The following WRNIP1 variants were observed in gnomAD, a reference collection of about 807,000 sequenced individuals.
The protein encoded by WRNIP1 is ATPase WRNIP1.
A neutral mutation model predicts 56.1 loss-of-function variants in WRNIP1; 41 were observed. The ratio of observed to expected loss-of-function variants is 0.73; its 90% CI spans 0.57 to 0.95. The LOEUF is 0.95. Ranked by LOEUF, WRNIP1 falls within the 40% of genes least tolerant of loss-of-function variation. WRNIP1 has a pLI of 0.00. For synonymous variants in WRNIP1, 547 were observed against 398.1 expected (o/e 1.37, Z -4.45); for missense variants, 1,170 against 939.4 (o/e 1.25, Z -3.21).
chr6:2,782,830 A>G (rs773383226), intron 4 of WRNIP1, among the ~76,000 whole-genome samples: 18 of 152,198 alleles, frequency 1.2e-4, no homozygotes, highest in Non-Finnish European at 2.2e-4. Context: ...GAAGCTGGTT[A>G]GTCCACGTGT....
chr6:2,785,481 G>GA lies in WRNIP1; in HGVS notation c.*199_*200insA. The GA allele has an allele frequency of 1.7e-6, 1 of 603,858 alleles. No individual in the cohort carries two copies. Among genetic ancestry groups the GA allele is most frequent in the Non-Finnish European group, 2.9e-6 (1 of 347,278 alleles). The allele number at this position is 603,858 out of a possible 1,614,324, so 37.4% of individuals were successfully genotyped here. On this transcript the variant is annotated 3_prime_UTR_variant, in exon 7 of 7. Coordinates refer to ENST00000380773, the MANE Select transcript of WRNIP1 (RefSeq NM_020135.3). ...TTTGAAATTGTGTTCATTTGCACTC[G>GA]GTGCAGCGGTTATGCTTATGAAAAT...
intron 3 of WRNIP1, among the ~76,000 whole-genome samples, chr6:2,776,029 AT>A (rs899326346): frequency 5.3e-5 from 8 of 152,310 alleles, no homozygotes; most frequent in African/African-American, 1.9e-4. Context: ...ATATGCTTAA[AT>A]TTAAAAATAA....
intron 3 of WRNIP1, 115 bp downstream of exon 3, chr6:2,770,476 T>C (rs1765233566): frequency 7.1e-7 from 1 of 1,398,830 alleles, no homozygotes; most frequent in African/African-American, 1.4e-5. Flanking sequence ...AGAAGAAATG[T>C]TGATCCGCCC....
chr6:2,765,679 G>C lies in WRNIP1; in HGVS notation c.57G>C (p.Gln19His), dbSNP rs1764913970. The C allele has an allele frequency of 1.3e-6, 2 of 1,551,166 alleles. No individual in the cohort carries two copies. The highest frequency in any genetic ancestry group is 2.6e-5 in the East Asian group (1 of 38,702). ...DPFLSQLHQV[Q>H]CPVCQQMMPA... is the part of the protein sequence containing the mutation. ...TCCTTTCGCAGCTGCACCAGGTGCA[G>C]TGCCCCGTGTGCCAGCAGATGATGC... is the stretch of plus-strand genomic sequence containing the variant. Residue 19 changes from glutamine (Q) to histidine (H), a missense_variant, in exon 1 of 7, where the codon CAG becomes CAC. Gln to His is a conservative substitution (Grantham distance 24). Transcript: ENST00000380773.
chr6:2,767,201 A>G (rs1450622056), intron 1 of WRNIP1, among the ~76,000 whole-genome samples: 2 of 152,230 alleles, frequency 1.3e-5, no homozygotes, highest in African/African-American at 2.4e-5. Flanking sequence ...GAGTCTAGAA[A>G]GCATGTCATT....
chr6:2,767,798 C>T (rs183030853), intron 1 of WRNIP1, among the ~76,000 whole-genome samples: 25 of 152,254 alleles, frequency 1.6e-4, no homozygotes, highest in Admixed American at 7.8e-4. Flanking sequence ...TTTGGGTGGT[C>T]CAGGCTGCTC....
At chr6:2,783,013 C>T (rs1441889638) in intron 4 of WRNIP1, among the ~76,000 whole-genome samples, 2 of 152,208 alleles carry the variant, frequency 1.3e-5, no homozygotes, top group Non-Finnish European at 2.9e-5. Context: ...TGGCTCCGAG[C>T]AGGCCCACCG....
At chr6:2,782,558 A>G (rs1765587474) in intron 4 of WRNIP1, among the ~76,000 whole-genome samples, 1 of 152,200 alleles carries the variant, frequency 6.6e-6, no homozygotes, top group Non-Finnish European at 1.5e-5. Context: ...GGGAGGAGTG[A>G]GACTCACGGG....
At position 2,779,355 on chromosome 6, in the gene WRNIP1, C is replaced by A; in HGVS notation, c.1349C>A (p.Ala450Glu). The A allele has an allele frequency of 6.2e-7, 1 of 1,614,130 alleles. No homozygotes were observed. The highest frequency in any genetic ancestry group is 8.5e-7 in the Non-Finnish European group (1 of 1,180,026). ...ARAGLNGLQL[A>E]VLARLSSRKM... ...GCTGGGTTGAACGGACTGCAGCTGG[C>A]GGTGCTGGCTAGGTTAAGCTCTAGG... Residue 450 changes from alanine (A) to glutamate (E), a missense_variant, in exon 4 of 7, where the codon GCG becomes GAG. Transcript: ENST00000380773.
At chr6:2,771,074 T>C (rs974263348) in intron 3 of WRNIP1, among the ~76,000 whole-genome samples, 2 of 152,214 alleles carry the variant, frequency 1.3e-5, no homozygotes, top group Non-Finnish European at 2.9e-5. Context: ...CTTCAGATGG[T>C]ATTTGTTCAT....
At position 2,785,048 on chromosome 6, in the gene WRNIP1, A is replaced by G. The variant is rs1420494015; in HGVS notation, c.1764A>G (p.Pro588=). The G allele has an allele frequency of 1.9e-6, 3 of 1,614,064 alleles. No homozygotes were observed. The highest frequency in any genetic ancestry group is 1.3e-5 in the African/African-American group (1 of 74,912). ...AQCVVYFARA[P]KSIEVYSAYN... ...GTGTGGTCTACTTTGCCAGAGCCCC[A>G]AAGTCCATTGAGGTGTACAGCGCCT... Residue 588 remains proline, a synonymous_variant, in exon 7 of 7, where the codon CCA becomes CCG. Transcript: ENST00000380773.
At chr6:2,768,928 A>G (rs1010759556) in intron 2 of WRNIP1, 46 bp downstream of exon 2, 33 of 1,550,534 alleles carry the variant, frequency 2.1e-5, no homozygotes, top group Admixed American at 3.7e-5. Flanking sequence ...AACATCAAAC[A>G]ATATAAAGTG....
At chr6:2,783,634 CTTTT>C (rs398000193) in intron 5 of WRNIP1, 73 bp downstream of exon 5, 22 of 39,608 alleles carry the variant, frequency 5.6e-4, no homozygotes, top group African/African-American at 2.5e-3. Context: ...TACATCGTGG[CTTTT>C]TTTTTTTTTT....
chr6:2,766,159 C>G lies in WRNIP1; in HGVS notation c.537C>G (p.Asp179Glu), dbSNP rs1764964831. The change falls in exon 1 of 7, where the codon GAC becomes GAG. Residue 179 changes from aspartate (D) to glutamate (E), a missense_variant. Coordinates refer to ENST00000380773, the MANE Select transcript of WRNIP1 (RefSeq NM_020135.3). ...ACGGCGATGGCGACGGGGACGCGGA[C>G]GCGGACGGCGAGGACGACCCGGGGC... ...VGDGDGDGDADADGEDDPGHW... is the reference protein window; with the variant it reads ...VGDGDGDGDAEADGEDDPGHW... 7.5e-7 allele frequency: 1 copy of G among 1,331,838 alleles called. No homozygotes were observed. Among genetic ancestry groups the G allele is most frequent in the Non-Finnish European group, 9.5e-7 (1 of 1,047,770 alleles). The allele number at this position is 1,331,838 out of a possible 1,614,324, so 82.5% of individuals were successfully genotyped here.
rs1764900705 is a variant in WRNIP1 at position 2,765,546 on chromosome 6, G to A, written c.-77G>A. On this transcript the variant is annotated 5_prime_UTR_variant, in exon 1 of 7. The change abolishes the stop of an existing upstream ORF in the 5' untranslated region. Transcript: ENST00000380773. Reference sequence around the variant, plus strand: ...CGAGGGTCTCGCGGCGCGGGGCCTAGCGGAGGGCATCGAAGGCCTCCGCGT... The same window carrying A: ...CGAGGGTCTCGCGGCGCGGGGCCTAACGGAGGGCATCGAAGGCCTCCGCGT... The A allele has an allele frequency of 2.9e-6, 4 of 1,357,844 alleles. No homozygotes were observed. The African/African-American group carries it at 4.6e-5, about 16-fold the overall frequency. 84.1% of individuals were successfully genotyped at this position (1,357,844 alleles called of 1,614,324 possible). A position where few individuals can be genotyped will look rare whatever the true frequency, so the allele number is the denominator to read the frequency against.
chr6:2,782,161 G>A (rs1295906299), intron 4 of WRNIP1, among the ~76,000 whole-genome samples: 2 of 152,248 alleles, frequency 1.3e-5, no homozygotes, highest in African/African-American at 4.8e-5. Context: ...GAGGAGCAGA[G>A]CGTAGCCTGA....
chr6:2,784,224 C>T lies in WRNIP1; in HGVS notation c.1643-100C>T. The T allele has an allele frequency of 9.1e-6, 10 of 1,103,804 alleles. No homozygotes were observed. In the South Asian group the frequency reaches 1.5e-4, roughly 17 times the overall value. 68.4% of individuals were successfully genotyped at this position (1,103,804 alleles called of 1,614,324 possible). A position where few individuals can be genotyped will look rare whatever the true frequency, so the allele number is the denominator to read the frequency against. Reference sequence around the variant, plus strand: ...TTGCTACATGGGATTGTTTTGGTCACCAAGTGTACAAGCAGTGGTGGTCTG... The same window carrying T: ...TTGCTACATGGGATTGTTTTGGTCATCAAGTGTACAAGCAGTGGTGGTCTG... On this transcript the variant is annotated intron_variant, in intron 5 of 6. Coordinates refer to ENST00000380773, the MANE Select transcript of WRNIP1 (RefSeq NM_020135.3).
At chr6:2,781,330 A>G (rs570497658) in intron 4 of WRNIP1, among the ~76,000 whole-genome samples, 221 of 152,282 alleles carry the variant, frequency 1.5e-3, no homozygotes, top group Non-Finnish European at 2.6e-3. Flanking sequence ...CATCCTATAC[A>G]TCTTCCCAGT....
rs1282605425 is a variant in WRNIP1 at position 2,777,939 on chromosome 6, TGGCCA to T, written c.1257-1322_1257-1318del. Among the ~76,000 whole-genome samples the T allele has an allele frequency of 7.2e-5, 11 of 152,330 alleles. No individual in the cohort carries two copies. In the East Asian group the frequency reaches 2.1e-3, roughly 29 times the overall value. On this transcript the variant is annotated intron_variant, in intron 3 of 6. Coordinates refer to ENST00000380773, the MANE Select transcript of WRNIP1 (RefSeq NM_020135.3). ...GAGTCATTTGTTGTAAAGCTGGGGC[TGGCCA>T]GTTGTCTTAGGTGTGGTGAGAGACC... is the stretch of plus-strand genomic sequence containing the variant.
Sources: allele counts gnomAD v4.1 joint callset (sites outside exome capture counted in the v4.1 genomes callset), GRCh38; gene constraint gnomAD v4.1.1; transcripts MANE v1.5; gene names NCBI Gene and HGNC (gene_info 2026-07-23, HGNC 2026-07-21).